Variants in COL27A1 observed in about 807,000 individuals in gnomAD.
COL27A1 encodes collagen type XXVII alpha 1 chain.
COL27A1 carries 106 observed loss-of-function variants against 251.3 expected under a neutral mutation model. That is an observed-to-expected ratio of 0.42 (90% CI 0.36 to 0.50). COL27A1 has a LOEUF of 0.50. COL27A1 is among the 20% of genes least tolerant of loss of function. The probability of loss-of-function intolerance (pLI) is 0.00; values close to 1 mark genes in which losing one functional copy is unlikely to be tolerated. For missense variants in COL27A1, 2,325 were observed against 2,522.8 expected (o/e 0.92, Z 1.68); for synonymous variants, 1,000 against 986.3 (o/e 1.01, Z -0.26).
rs145897693 is a variant in COL27A1, at chr9:114,266,282, G to C, written c.3394-283G>C. On this transcript the variant is annotated intron_variant, in intron 32 of 60. Coordinates refer to ENST00000356083, the MANE Select transcript of COL27A1 (RefSeq NM_032888.4). ...AAGAGCGTTCCAGGCAGGGGCAACAGATGAGCAAGACTCAAGAGCTAGGAG... is the reference window on the plus strand; with the variant it reads ...AAGAGCGTTCCAGGCAGGGGCAACACATGAGCAAGACTCAAGAGCTAGGAG... Among the ~76,000 whole-genome samples, 4 of 152,210 alleles carry C rather than the reference G, an allele frequency of 2.6e-5. No homozygotes were observed. In the East Asian group the frequency reaches 5.8e-4, roughly 22 times the overall value.
intron 16 of COL27A1, among the ~76,000 whole-genome samples, chr9:114,232,823 A>T (rs1832063568): frequency 6.6e-6 from 1 of 152,356 alleles, no homozygotes; most frequent in South Asian, 2.1e-4. Flanking sequence ...CTATAATCCC[A>T]GCACTTTGGG....
intron 36 of COL27A1, 95 bp from the exon 37 acceptor site, chr9:114,275,566 A>C: frequency 1.3e-6 from 1 of 761,620 alleles, no homozygotes; most frequent in Non-Finnish European, 2.1e-6. Context: ...TTGGCTGTGG[A>C]TGCCTGAATG....
At chr9:114,221,584 T>C (rs1396867193) in intron 13 of COL27A1, among the ~76,000 whole-genome samples, 1 of 152,180 alleles carries the variant, frequency 6.6e-6, no homozygotes, top group Non-Finnish European at 1.5e-5. Context: ...TCATTTCTCA[T>C]GTGGGCCATG....
At chr9:114,170,925 G>A (rs922186321) in intron 3 of COL27A1, among the ~76,000 whole-genome samples, 3 of 152,202 alleles carry the variant, frequency 2.0e-5, no homozygotes, top group Non-Finnish European at 4.4e-5. Flanking sequence ...CTCCTGACAT[G>A]GTGAGGTCCA....
Position 114,292,121 on chromosome 9 carries a change from G to A in COL27A1, c.4495G>A (p.Gly1499Arg), listed in dbSNP as rs780888192. 12 of 1,558,220 alleles carry A rather than the reference G, an allele frequency of 7.7e-6. No homozygotes were observed. Among genetic ancestry groups the A allele is most frequent in the South Asian group, 2.4e-5 (2 of 84,394 alleles). ...CTTTAAGGGTGAGAGTGGGTTACCC[G>A]GACAGCTGGGTCCCCCTGGCAAGCG... ...PGFKGESGLP[G>R]QLGPPGKRGT... The change falls in exon 49 of 61, where the codon GGA becomes AGA. Residue 1499 changes from glycine (G) to arginine (R), a missense_variant. Transcript: ENST00000356083.
chr9:114,288,523 C>A lies in COL27A1; in HGVS notation c.4044+12C>A, dbSNP rs1469460322. On this transcript the variant is annotated intron_variant, in intron 42 of 60. Transcript: ENST00000356083. ...CACCTGGAGATCGGGTAAGCCCCCT[C>A]CCTCCCCTGGACCATGTGGCGTCCT... The A allele has an allele frequency of 1.2e-6, 2 of 1,600,972 alleles. No individual in the cohort carries two copies. Among genetic ancestry groups the A allele is most frequent in the South Asian group, 1.1e-5 (1 of 88,390 alleles).
In COL27A1 at chr9:114,291,671, T is replaced by C. The variant is rs1236702486; in HGVS notation, c.4477-432T>C. Among the ~76,000 whole-genome samples the C allele has an allele frequency of 2.6e-5, 4 of 151,936 alleles. No homozygotes were observed. In the South Asian group the frequency reaches 8.3e-4, roughly 32 times the overall value. On this transcript the variant is annotated intron_variant, in intron 48 of 60. Transcript: ENST00000356083. ...GGCCGAGGCAGGAGAATCGCTTGAA[T>C]TGGGGAGGCAGAGGTTGCAGTGAGT...
intron 19 of COL27A1, among the ~76,000 whole-genome samples, chr9:114,238,390 C>T (rs1330407148): frequency 6.6e-6 from 1 of 152,136 alleles, no homozygotes; most frequent in African/African-American, 2.4e-5. Flanking sequence ...CTGGGCTGAG[C>T]AGGAGCCAGG....
At chr9:114,301,546 T>C (rs1343195614) in intron 54 of COL27A1, 84 bp downstream of exon 54, 1 of 1,545,686 alleles carries the variant, frequency 6.5e-7, no homozygotes, top group African/African-American at 1.4e-5. Context: ...ATTCTCTCCC[T>C]CCGGACCTCC....
chr9:114,168,724 A>G lies in COL27A1; in HGVS notation c.1169A>G (p.Lys390Arg), dbSNP rs756145009. ...VPIKSPHPTQKTAPSSFTKSA... is the reference protein window; with the variant it reads ...VPIKSPHPTQRTAPSSFTKSA... ...ATCAAAAGCCCCCATCCTACCCAGAAAACAGCTCCATCTTCATTTACAAAG... is the reference window on the plus strand; with the variant it reads ...ATCAAAAGCCCCCATCCTACCCAGAGAACAGCTCCATCTTCATTTACAAAG... The change falls in exon 3 of 61, where the codon AAA becomes AGA. Residue 390 changes from lysine (K) to arginine (R), a missense_variant. This residue lies in a region of COL27A1 where 1,183 missense variants were observed against 1,144.1 expected (regional missense o/e 1.03). Coordinates refer to ENST00000356083, the MANE Select transcript of COL27A1 (RefSeq NM_032888.4). 2 of 1,613,900 alleles carry G rather than the reference A, an allele frequency of 1.2e-6. No homozygotes were observed. Among genetic ancestry groups the G allele is most frequent in the African/African-American group, 1.3e-5 (1 of 74,912 alleles).
intron 37 of COL27A1, among the ~76,000 whole-genome samples, chr9:114,279,092 T>G (rs907300850): frequency 3.3e-5 from 5 of 152,204 alleles, no homozygotes; most frequent in African/African-American, 1.2e-4. Flanking sequence ...TCTCGCCTTC[T>G]GCAAGGGATC....
At chr9:114,280,457 C>T (rs983767054) in intron 37 of COL27A1, among the ~76,000 whole-genome samples, 4 of 152,226 alleles carry the variant, frequency 2.6e-5, no homozygotes, top group Admixed American at 6.5e-5. Context: ...CCCACCTCAG[C>T]CTCCCAAAGT....
rs1832329625 is a variant in COL27A1, at chr9:114,235,613, T to C, written c.2580T>C (p.Val860=). Residue 860 remains valine, a synonymous_variant, in exon 17 of 61, where the codon GTT becomes GTC. Coordinates refer to ENST00000356083, the MANE Select transcript of COL27A1 (RefSeq NM_032888.4). ...GLKGDKGEQG[V]PGVSGDPGFQ... Reference sequence around the variant, plus strand: ...TGTGTACTTAGGGTGAACAAGGGGTTCCAGGTGTGTCAGGAGATCCCGGAT... The same window carrying C: ...TGTGTACTTAGGGTGAACAAGGGGTCCCAGGTGTGTCAGGAGATCCCGGAT... 1.2e-6 allele frequency: 2 copies of C among 1,613,798 alleles called. No homozygotes were observed. The highest frequency in any genetic ancestry group is 4.5e-5 in the East Asian group (2 of 44,884).
chr9:114,281,124 T>C (rs1269615458), intron 37 of COL27A1, among the ~76,000 whole-genome samples: 3 of 152,242 alleles, frequency 2.0e-5, no homozygotes, highest in Non-Finnish European at 4.4e-5. Flanking sequence ...CCTCTGTTAA[T>C]GCAACCAGAG....
chr9:114,198,991 A>AATGATCATG (rs1829367144), intron 7 of COL27A1, among the ~76,000 whole-genome samples: 1 of 152,176 alleles, frequency 6.6e-6, no homozygotes, highest in African/African-American at 2.4e-5. Flanking sequence ...ATGAATAAAT[A>AATGATCATG]ATGATCATGA....
In COL27A1 at chr9:114,265,082, G is replaced by A. The variant is rs146653470; in HGVS notation, c.3311G>A (p.Arg1104Gln). 20 of 1,610,816 alleles carry A rather than the reference G, an allele frequency of 1.2e-5. No individual in the cohort carries two copies. Among genetic ancestry groups the A allele is most frequent in the African/African-American group, 5.4e-5 (4 of 74,550 alleles). Residue 1104 changes from arginine (R) to glutamine (Q), a missense_variant, in exon 31 of 61, where the codon CGA (arginine) becomes CAA (glutamine). Physicochemically the swap from Arg to Gln is conservative, Grantham distance 43. This residue lies in a region of COL27A1 where 662 missense variants were observed against 795.3 expected (regional missense o/e 0.83). Coordinates refer to ENST00000356083, the MANE Select transcript of COL27A1 (RefSeq NM_032888.4). The part of the protein sequence containing the change: ...RPGQQGVAGE[R>Q]GHLGSRGFPG... ...TGCTTCCAGGGTGTGGCTGGTGAGC[G>A]AGGCCACTTGGGCTCGAGAGGCTTT...
intron 27 of COL27A1, among the ~76,000 whole-genome samples, chr9:114,253,475 AAAG>A (rs2135537250): frequency 6.6e-6 from 1 of 152,000 alleles, no homozygotes; most frequent in East Asian, 1.9e-4. Context: ...AAAGAAAGGA[AAAG>A]AAAAGAAAGG....
Position 114,208,692 on chromosome 9 carries a change from C to T in COL27A1, c.2269-983C>T, listed in dbSNP as rs112032656. On this transcript the variant is annotated intron_variant, in intron 10 of 60. Coordinates refer to ENST00000356083, the MANE Select transcript of COL27A1 (RefSeq NM_032888.4). ...TTAGAAGTTCCCAGGCTAATGAGGA[C>T]GTGAAGCATGAACACAAATAATGAA... Among the ~76,000 whole-genome samples, 44 of 151,962 alleles carry T rather than the reference C, an allele frequency of 2.9e-4. 1 individual carries two copies. Among genetic ancestry groups the T allele is most frequent in the African/African-American group, 9.7e-4 (40 of 41,442 alleles).
chr9:114,156,164 T>G, intron 1 of COL27A1, 152 bp downstream of exon 1: 1 of 1,186,544 alleles, frequency 8.4e-7, no homozygotes, highest in Non-Finnish European at 1.1e-6. Flanking sequence ...CAAGGGTTAA[T>G]AGGGGCTGCG....
Sources: gnomAD v4.1 joint callset for allele counts (sites outside exome capture counted in the v4.1 genomes callset) on GRCh38, gnomAD v4.1.1 for gene constraint, gnomAD v4.1.1 regional missense constraint, MANE v1.5 for transcripts, NCBI Gene and HGNC (gene_info 2026-07-23, HGNC 2026-07-21) for gene names.